SOX5: variants seen among roughly 807,000 people sequenced by gnomAD.
The protein encoded by SOX5 is transcription factor SOX-5.
SOX5 carries 9 observed loss-of-function variants against 92.0 expected under a neutral mutation model. The observed-to-expected ratio is 0.10, with a 90% CI of 0.06 to 0.17. The LOEUF (loss-of-function observed/expected upper bound fraction) is 0.17. Ranked by LOEUF, SOX5 falls within the 10% of genes least tolerant of loss-of-function variation. SOX5 has a pLI of 1.00. For missense variants in SOX5, 642 were observed against 944.5 expected (o/e 0.68, Z 4.20); for synonymous variants, 344 against 336.3 (o/e 1.02, Z -0.25).
At chr12:23,940,508 T>G (rs1277256322) in intron 1 of SOX5, among the ~76,000 whole-genome samples, 2 of 151,150 alleles carry the variant, frequency 1.3e-5, no homozygotes, top group Admixed American at 6.6e-5. Flanking sequence ...AGTAATGAAA[T>G]TTTAGAGTTA....
chr12:24,208,289 T>C (rs572521644), intron 4 of SOX5, among the ~76,000 whole-genome samples: 1 of 152,286 alleles, frequency 6.6e-6, no homozygotes, highest in Non-Finnish European at 1.5e-5. Context: ...GCCCTAATCA[T>C]CACCCTACTT....
At chr12:24,099,752 C>T (rs573466766) in intron 4 of SOX5, among the ~76,000 whole-genome samples, 48 of 152,194 alleles carry the variant, frequency 3.2e-4, no homozygotes, top group South Asian at 1.0e-3. Context: ...AGTTTACTCA[C>T]GGATGTAAAT....
intron 4 of SOX5, among the ~76,000 whole-genome samples, chr12:24,007,119 C>T (rs1488388860): frequency 7.7e-6 from 1 of 129,562 alleles, no homozygotes; most frequent in East Asian, 2.2e-4. Flanking sequence ...GGTGACAGAG[C>T]GAGACTCCAT....
intron 2 of SOX5, among the ~76,000 whole-genome samples, chr12:23,892,217 T>C (rs2097136241): frequency 6.6e-6 from 1 of 152,134 alleles, no homozygotes; most frequent in African/African-American, 2.4e-5. Context: ...AGTGAAAGCA[T>C]CTAACCAAAA....
chr12:24,377,978 A>G (rs1957455671), intron 1 of SOX5, among the ~76,000 whole-genome samples: 2 of 152,242 alleles, frequency 1.3e-5, no homozygotes, highest in Non-Finnish European at 2.9e-5. Context: ...GGTATTCCAG[A>G]CTTTTCATGT....
In SOX5 at chr12:23,841,915, T is replaced by C. The variant is rs1324293627; in HGVS notation, c.481+4068A>G. ...TACTGCATTATACATTGTACATTTC[T>C]ATGCATTTGCACATATAAATGTATA... On this transcript the variant is annotated intron_variant, in intron 3 of 14. Coordinates refer to ENST00000451604, the MANE Select transcript of SOX5 (RefSeq NM_006940.6). Among the ~76,000 whole-genome samples, 159 of 152,262 alleles carry C rather than the reference T, an allele frequency of 1.0e-3. 1 individual carries two copies. Among genetic ancestry groups the C allele is most frequent in the African/African-American group, 3.7e-3 (152 of 41,564 alleles).
intron 9 of SOX5, among the ~76,000 whole-genome samples, chr12:23,594,346 A>AT (rs1238946272): frequency 3.9e-5 from 6 of 152,106 alleles, no homozygotes; most frequent in African/African-American, 1.4e-4. Flanking sequence ...GTGAGCACAC[A>AT]TATCTATCTA....
intron 1 of SOX5, among the ~76,000 whole-genome samples, chr12:24,444,729 G>T (rs1941201234): frequency 6.6e-6 from 1 of 152,108 alleles, no homozygotes; most frequent in Non-Finnish European, 1.5e-5. Context: ...TCTGCTAAAT[G>T]GGGAGGTATA....
chr12:24,350,316 T>G (rs547535751), intron 2 of SOX5, among the ~76,000 whole-genome samples: 47 of 152,284 alleles, frequency 3.1e-4, no homozygotes, highest in Admixed American at 2.2e-3. Context: ...TGTTTGTTTG[T>G]TCTGTTTTGT....
intron 4 of SOX5, among the ~76,000 whole-genome samples, chr12:24,121,137 C>T (rs2030130): frequency 0.79 from 120,308 of 152,108 alleles, 47,799 homozygotes; most frequent in Non-Finnish European, 0.83. Flanking sequence ...AGACATTCTA[C>T]GTTGTAACAT....
rs1383375940 is a variant in SOX5 at position 24,119,905 on chromosome 12, T to C, written c.-2+93438A>G. Among the ~76,000 whole-genome samples the C allele has an allele frequency of 2.6e-5, 4 of 152,190 alleles. No individual in the cohort carries two copies. The East Asian group carries it at 7.7e-4, about 29-fold the overall frequency. ...GAGCTTTGCCAATTATTGTACTTTGTAAATGGGAAGTTATACAGTATATAG... is the reference window on the plus strand; with the variant it reads ...GAGCTTTGCCAATTATTGTACTTTGCAAATGGGAAGTTATACAGTATATAG... On this transcript the variant is annotated intron_variant, in intron 4 of 4. Coordinates refer to the SOX5 transcript ENST00000446891.
Position 24,029,171 on chromosome 12 carries a change from G to T in SOX5, c.-1-133147C>A, listed in dbSNP as rs79901815. Among the ~76,000 whole-genome samples the T allele has an allele frequency of 4.3e-3, 660 of 152,030 alleles. 4 individuals are homozygous for T. The highest frequency in any genetic ancestry group is 0.01 in the Middle Eastern group (3 of 294). ...TACACATTATTTTCTATTGACTGTAGTTCCTTTTAAATCCGTGTATTTCCT... is the reference window on the plus strand; with the variant it reads ...TACACATTATTTTCTATTGACTGTATTTCCTTTTAAATCCGTGTATTTCCT... On this transcript the variant is annotated intron_variant, in intron 4 of 4. Coordinates refer to the SOX5 transcript ENST00000446891.
Position 24,181,595 on chromosome 12 carries a change from C to T in SOX5, c.-2+31748G>A, listed in dbSNP as rs554128928. 7.9e-5 allele frequency among the ~76,000 whole-genome samples: 12 copies of T among 152,238 alleles called. 1 individual carries two copies. The South Asian group carries it at 2.5e-3, about 32-fold the overall frequency. ...ATGTATATGAGGATCATAATATACC[C>T]TGCTTTGTTGTGACAATTGAATGAT... On this transcript the variant is annotated intron_variant, in intron 4 of 4. Coordinates refer to the SOX5 transcript ENST00000446891.
chr12:24,271,988 C>CAA (rs1314445849), intron 3 of SOX5, among the ~76,000 whole-genome samples: 1 of 151,744 alleles, frequency 6.6e-6, no homozygotes, highest in Non-Finnish European at 1.5e-5. Flanking sequence ...CACAAACACA[C>CAA]ACACACACAC....
At chr12:24,007,162 CATTTATATATGT>C (rs1952310458) in intron 4 of SOX5, among the ~76,000 whole-genome samples, 1 of 16,106 alleles carries the variant, frequency 6.2e-5, no homozygotes, top group Non-Finnish European at 1.9e-4. Flanking sequence ...TATATATATA[CATTTATATATGT>C]ATTTATATAT....
At position 24,111,879 on chromosome 12, in the gene SOX5, G is replaced by C. The variant is rs540459079; in HGVS notation, c.-2+101464C>G. Among the ~76,000 whole-genome samples, 3 of 152,152 alleles carry C rather than the reference G, an allele frequency of 2.0e-5. No individual in the cohort carries two copies. In the South Asian group the frequency reaches 6.2e-4, roughly 32 times the overall value. On this transcript the variant is annotated intron_variant, in intron 4 of 4. Coordinates refer to the SOX5 transcript ENST00000446891. The stretch of plus-strand genomic sequence containing the variant: ...AATTATTTTAGGTTAATTTATTATA[G>C]ATATTTTCTGCCTTCTCTACATTCC...
intron 7 of SOX5, among the ~76,000 whole-genome samples, chr12:23,662,273 G>A (rs1422527980): frequency 6.6e-6 from 1 of 152,058 alleles, no homozygotes; most frequent in Non-Finnish European, 1.5e-5. Flanking sequence ...AGTAAGGAAA[G>A]CAATAACTAG....
intron 3 of SOX5, among the ~76,000 whole-genome samples, chr12:23,779,130 T>C (rs1009951640): frequency 4.6e-5 from 7 of 152,146 alleles, no homozygotes; most frequent in African/African-American, 1.7e-4. Context: ...TGTTTAAGTA[T>C]TATGTCCCTA....
At chr12:24,053,396 C>A (rs554266731) in intron 4 of SOX5, among the ~76,000 whole-genome samples, 1 of 152,220 alleles carries the variant, frequency 6.6e-6, no homozygotes, top group South Asian at 2.1e-4. Context: ...TCCCAAAGTG[C>A]TGTGATTATA....
Sources: allele counts gnomAD v4.1 joint callset (sites outside exome capture counted in the v4.1 genomes callset), GRCh38; gene constraint gnomAD v4.1.1; transcripts MANE v1.5; gene names NCBI Gene and HGNC (gene_info 2026-07-23, HGNC 2026-07-21).